PCDH15: variants seen among roughly 807,000 people sequenced by gnomAD.
PCDH15 encodes the protein protocadherin related 15.
A neutral mutation model predicts 178.5 loss-of-function variants in PCDH15; 129 were observed. The observed-to-expected ratio is 0.72, with a 90% CI of 0.63 to 0.84. PCDH15 has a LOEUF of 0.84. Ranked by LOEUF, PCDH15 falls within the 40% of genes least tolerant of loss-of-function variation. The pLI is 0.00. For synonymous variants in PCDH15, 800 were observed against 732.0 expected (o/e 1.09, Z -1.50); for missense variants, 2,230 against 2,099.9 (o/e 1.06, Z -1.21).
chr10:53,839,671 ACAAT>A (rs1407169540), intron 29 of PCDH15, among the ~76,000 whole-genome samples: 3 of 97,264 alleles, frequency 3.1e-5, no homozygotes, highest in Non-Finnish European at 5.8e-5. Context: ...AATTCTGTTA[ACAAT>A]TTTTTTTTTT....
At chr10:55,542,290 CATATGTACA>C (rs1394522508) in intron 2 of PCDH15, among the ~76,000 whole-genome samples, 1 of 150,438 alleles carries the variant, frequency 6.6e-6, no homozygotes, top group African/African-American at 2.4e-5. Context: ...TATATATGGA[CATATGTACA>C]ATATGTCCAT....
chr10:54,405,078 G>A (rs1481025537), intron 3 of PCDH15, among the ~76,000 whole-genome samples: 1 of 152,098 alleles, frequency 6.6e-6, no homozygotes, highest in East Asian at 1.9e-4. Flanking sequence ...TCCAACCACT[G>A]TGGAAGAGAG....
At chr10:54,305,866 G>A (rs1561673) in intron 8 of PCDH15, among the ~76,000 whole-genome samples, 1,877 of 151,962 alleles carry the variant, frequency 0.012, 36 homozygotes, top group African/African-American at 0.038. Flanking sequence ...TTTCACCTCA[G>A]CCAAAGAATA....
intron 15 of PCDH15, among the ~76,000 whole-genome samples, chr10:54,098,648 T>C (rs1320395733): frequency 6.6e-6 from 1 of 152,188 alleles, no homozygotes; most frequent in African/African-American, 2.4e-5. Context: ...AGGACAAATC[T>C]TACTTGCTAA....
intron 2 of PCDH15, chr10:54,619,117 T>G (rs766807247): frequency 6.6e-6 from 1 of 151,662 alleles, no homozygotes; most frequent in Admixed American, 6.6e-5. Context: ...GAAAACATCT[T>G]ACATTTTATT....
chr10:54,234,132 C>CTGTGTGTG (rs35466519), intron 9 of PCDH15, among the ~76,000 whole-genome samples: 3,140 of 138,500 alleles, frequency 0.023, 50 homozygotes, highest in South Asian at 0.028. Context: ...ATATCCCCTT[C>CTGTGTGTG]TGTGTGTGTG....
At chr10:54,521,548 T>G (rs77146335) in intron 3 of PCDH15, among the ~76,000 whole-genome samples, 6,745 of 152,224 alleles carry the variant, frequency 0.044, 361 homozygotes, top group African/African-American at 0.13. Context: ...GAATCTTCCC[T>G]CTTTATTAAT....
chr10:55,035,893 G>C (rs1840724006), intron 2 of PCDH15, among the ~76,000 whole-genome samples: 2 of 152,110 alleles, frequency 1.3e-5, no homozygotes, highest in Non-Finnish European at 1.5e-5. Flanking sequence ...CATGACCTAT[G>C]ATTGAATAGA....
chr10:55,397,511 G>A (rs193048844), intron 2 of PCDH15, among the ~76,000 whole-genome samples: 6 of 152,044 alleles, frequency 3.9e-5, no homozygotes, highest in South Asian at 2.1e-4. Context: ...ATTCTTTAAG[G>A]GGATAAACTA....
At chr10:54,683,256 C>T (rs554357792) in intron 1 of PCDH15, among the ~76,000 whole-genome samples, 1 of 152,010 alleles carries the variant, frequency 6.6e-6, no homozygotes, top group East Asian at 1.9e-4. Context: ...AGGACATTCA[C>T]ATTGTTGTGT....
At chr10:54,414,195 T>C (rs2135694818) in intron 3 of PCDH15, among the ~76,000 whole-genome samples, 1 of 152,258 alleles carries the variant, frequency 6.6e-6, no homozygotes, top group Non-Finnish European at 1.5e-5. Flanking sequence ...TAACATGTCC[T>C]AGAAGGCCAA....
At chr10:54,447,775 T>G (rs1347149137) in intron 3 of PCDH15, among the ~76,000 whole-genome samples, 1 of 151,772 alleles carries the variant, frequency 6.6e-6, no homozygotes, top group African/African-American at 2.4e-5. Context: ...GCTTGAATTC[T>G]TGGCTACTTA....
At chr10:53,852,540 A>C (rs1163939373) in intron 28 of PCDH15, among the ~76,000 whole-genome samples, 1 of 152,122 alleles carries the variant, frequency 6.6e-6, no homozygotes, top group African/African-American at 2.4e-5. Flanking sequence ...TGAGGTGAGG[A>C]GTAATCATTA....
intron 2 of PCDH15, among the ~76,000 whole-genome samples, chr10:55,614,191 G>A (rs1843431353): frequency 6.6e-6 from 1 of 151,938 alleles, no homozygotes; most frequent in South Asian, 2.1e-4. Context: ...TTTGAAAAGT[G>A]AGATATATAT....
intron 2 of PCDH15, among the ~76,000 whole-genome samples, chr10:55,535,312 G>A (rs1841549682): frequency 6.6e-6 from 1 of 152,068 alleles, no homozygotes; most frequent in Non-Finnish European, 1.5e-5. Context: ...TTGAGGAACT[G>A]TAAATTTATA....
chr10:54,549,138 G>T (rs2086232945), intron 2 of PCDH15, among the ~76,000 whole-genome samples: 1 of 150,158 alleles, frequency 6.7e-6, no homozygotes, highest in Non-Finnish European at 1.5e-5. Context: ...ATAATCCTTG[G>T]CTTTGTTAAG....
intron 2 of PCDH15, among the ~76,000 whole-genome samples, chr10:54,651,179 G>T (rs2094251608): frequency 3.3e-5 from 5 of 151,926 alleles, no homozygotes; most frequent in Admixed American, 3.3e-4. Flanking sequence ...AAAGAGAGAG[G>T]ATACAGTAAG....
intron 2 of PCDH15, among the ~76,000 whole-genome samples, chr10:55,388,607 T>C (rs1837718981): frequency 6.6e-6 from 1 of 152,126 alleles, no homozygotes; most frequent in South Asian, 2.1e-4. Context: ...CTATTCTATA[T>C]GTACAATTAC....
In PCDH15 at chr10:54,023,184, T is replaced by C; in HGVS notation, c.2234A>G (p.Asp745Gly). The C allele has an allele frequency of 6.2e-7, 1 of 1,613,512 alleles. No individual in the cohort carries two copies. Residue 745 changes from aspartate (D) to glycine (G), a missense_variant, in exon 19 of 38, where the codon GAT becomes GGT. Asp to Gly is a moderately conservative substitution (Grantham distance 94). Transcript: ENST00000644397. ...FVGQVKATDP[D>G]AGINGQVHYS... The stretch of plus-strand genomic sequence containing the variant: ...GTGCACTTGACCATTTATTCCAGCA[T>C]CAGGGTCTGTTGCCTATTAAATAAA...
Sources: allele counts gnomAD v4.1 joint callset (sites outside exome capture counted in the v4.1 genomes callset), GRCh38; gene constraint gnomAD v4.1.1; transcripts MANE v1.5; gene names NCBI Gene and HGNC (gene_info 2026-07-23, HGNC 2026-07-21).